SNX14: variants seen among roughly 807,000 people sequenced by gnomAD.
SNX14 encodes sorting nexin-14.
A neutral mutation model predicts 133.8 loss-of-function variants in SNX14; 93 were observed. The observed-to-expected ratio is 0.70, with a 90% CI of 0.59 to 0.83. The LOEUF is 0.83. Among genes scored for constraint, SNX14 ranks in the 40% least tolerant of loss-of-function variants. The pLI is 0.00. For missense variants in SNX14, 945 were observed against 1,094.9 expected, an observed-to-expected ratio of 0.86 and a Z score of 1.93; for synonymous variants, 368 against 365.6, an observed-to-expected ratio of 1.01 and a Z score of -0.07.
Position 85,543,771 on chromosome 6 carries a change from A to T in SNX14, c.1109-11T>A. The T allele has an allele frequency of 2.0e-6, 3 of 1,483,778 alleles. No individual in the cohort carries two copies. The highest frequency in any genetic ancestry group is 2.7e-6 in the Non-Finnish European group (3 of 1,104,996). The allele number at this position is 1,483,778 out of a possible 1,614,324, so 91.9% of individuals were successfully genotyped here. On this transcript the variant is annotated splice_polypyrimidine_tract_variant and intron_variant, in intron 12 of 28. Transcript: ENST00000314673. Reference sequence around the variant, plus strand: ...TATCATTAAATTCCTCTAACAAATGAGGGAATGAATAAGAAAAAATAATTT... The same window carrying T: ...TATCATTAAATTCCTCTAACAAATGTGGGAATGAATAAGAAAAAATAATTT...
intron 1 of SNX14, among the ~76,000 whole-genome samples, chr6:85,577,802 A>G (rs1797799120): frequency 6.6e-6 from 1 of 152,198 alleles, no homozygotes; most frequent in African/African-American, 2.4e-5. Context: ...GAACAAACAA[A>G]CAGAAAAAAA....
chr6:85,585,155 T>C (rs1800323096), intron 1 of SNX14, among the ~76,000 whole-genome samples: 1 of 152,156 alleles, frequency 6.6e-6, no homozygotes, highest in South Asian at 2.1e-4. Flanking sequence ...AAACACTGCA[T>C]GTTCTTACTC....
At chr6:85,516,147 TTA>T in intron 23 of SNX14, among the ~76,000 whole-genome samples, 1 of 152,328 alleles carries the variant, frequency 6.6e-6, no homozygotes, top group Non-Finnish European at 1.5e-5. Flanking sequence ...TTATGTTGCT[TTA>T]TAGTTTTCAT....
At chr6:85,536,744 T>C (rs750268881) in intron 17 of SNX14, 48 bp downstream of exon 17, 7 of 1,564,386 alleles carry the variant, frequency 4.5e-6, no homozygotes, top group Non-Finnish European at 6.1e-6. Context: ...TTTTATGTCA[T>C]AGTAAGTCTG....
In SNX14 at chr6:85,518,025, CA is replaced by C. The variant is rs1775653478; in HGVS notation, c.2130del (p.Gly711GlufsTer3). On this transcript the variant is annotated frameshift_variant, in exon 22 of 29. Coordinates refer to ENST00000314673, the MANE Select transcript of SNX14 (RefSeq NM_153816.6). LOFTEE classifies it high-confidence loss of function. The stretch of plus-strand genomic sequence containing the variant: ...TTACTCACCTCTTTCATTAGTTTTC[CA>C]GGAACAGATTTTATAATTTTCCCTG... ...VNLGKIIKSV[P>X]GKLMKEKGQH... The C allele has an allele frequency of 6.2e-7, 1 of 1,604,926 alleles. No homozygotes were observed.
rs753021315 is a variant in SNX14, at chr6:85,558,064, G to T, written c.550-4C>A. ...TTATAATAGATGGAATATCCACCTA[G>T]AAAAATTCAAGATTAAAACTTTTAA... On this transcript the variant is annotated splice_polypyrimidine_tract_variant and splice_region_variant and intron_variant, in intron 6 of 28. Transcript: ENST00000314673. 1 of 1,460,286 alleles carries T rather than the reference G, an allele frequency of 6.8e-7. No homozygotes were observed. The highest frequency in any genetic ancestry group is 1.8e-5 in the Admixed American group (1 of 55,374). The allele number at this position is 1,460,286 out of a possible 1,614,324, so 90.5% of individuals were successfully genotyped here.
chr6:85,580,844 C>A (rs969382919), intron 1 of SNX14, among the ~76,000 whole-genome samples: 2 of 152,076 alleles, frequency 1.3e-5, no homozygotes, highest in Non-Finnish European at 2.9e-5. Flanking sequence ...GAATAAAACA[C>A]CAGGTAGATT....
intron 1 of SNX14, among the ~76,000 whole-genome samples, chr6:85,593,375 A>G (rs990963713): frequency 2.0e-5 from 3 of 152,192 alleles, no homozygotes; most frequent in Admixed American, 1.3e-4. Flanking sequence ...TCGGGAAAGG[A>G]GGCAATCAAC....
chr6:85,520,316 T>C (rs943557923), intron 21 of SNX14, among the ~76,000 whole-genome samples: 117 of 151,984 alleles, frequency 7.7e-4, no homozygotes, highest in African/African-American at 2.7e-3. Context: ...ATGCTGGGAT[T>C]ACAGGTGTGA....
At chr6:85,576,412 C>A (rs1437051450) in intron 1 of SNX14, among the ~76,000 whole-genome samples, 1 of 152,144 alleles carries the variant, frequency 6.6e-6, no homozygotes, top group Non-Finnish European at 1.5e-5. Context: ...ATAGGCCAAT[C>A]ATAGCATCTT....
chr6:85,559,481 T>G (rs989534811), intron 6 of SNX14, among the ~76,000 whole-genome samples: 16 of 152,162 alleles, frequency 1.1e-4, no homozygotes, highest in Non-Finnish European at 2.1e-4. Flanking sequence ...TTTTAAAAAA[T>G]TGTAGACCCT....
At chr6:85,579,142 A>T (rs1005516630) in intron 1 of SNX14, among the ~76,000 whole-genome samples, 1 of 152,150 alleles carries the variant, frequency 6.6e-6, no homozygotes, top group African/African-American at 2.4e-5. Flanking sequence ...CGTCTAAAAA[A>T]AAAAAGATTT....
At chr6:85,554,222 T>TTATA (rs544508658) in intron 7 of SNX14, among the ~76,000 whole-genome samples, 24 of 148,836 alleles carry the variant, frequency 1.6e-4, no homozygotes, top group Non-Finnish European at 2.2e-4. Flanking sequence ...CAATTTAAGT[T>TTATA]TATATATATA....
chr6:85,550,139 A>C (rs1251933582), intron 7 of SNX14, among the ~76,000 whole-genome samples: 2 of 152,180 alleles, frequency 1.3e-5, no homozygotes, highest in Admixed American at 1.3e-4. Flanking sequence ...CCAGCTACTC[A>C]AGAGGCTGAG....
At chr6:85,553,861 T>C (rs1483705217) in intron 7 of SNX14, among the ~76,000 whole-genome samples, 1 of 151,720 alleles carries the variant, frequency 6.6e-6, no homozygotes, top group Non-Finnish European at 1.5e-5. Flanking sequence ...AGAAAAGTAA[T>C]TACAATATTT....
chr6:85,546,965 CAA>C (rs375373506), intron 12 of SNX14, 145 bp downstream of exon 12: 33,402 of 377,506 alleles, frequency 0.088, no homozygotes, highest in South Asian at 0.11. Context: ...CCGCCTCAAA[CAA>C]AAAAAAAAAA....
chr6:85,538,017 C>T (rs1782485038), intron 16 of SNX14, among the ~76,000 whole-genome samples: 1 of 152,144 alleles, frequency 6.6e-6, no homozygotes, highest in African/African-American at 2.4e-5. Flanking sequence ...ACTTTAAAAC[C>T]TGAGAAAGTT....
At chr6:85,506,379 T>C (rs1167400253) in intron 28 of SNX14, among the ~76,000 whole-genome samples, 2 of 151,992 alleles carry the variant, frequency 1.3e-5, no homozygotes, top group East Asian at 3.9e-4. Context: ...TCTAATGGCA[T>C]GATCTCGGCT....
chr6:85,586,352 T>A (rs976003415), intron 1 of SNX14, among the ~76,000 whole-genome samples: 1 of 152,146 alleles, frequency 6.6e-6, no homozygotes, highest in Non-Finnish European at 1.5e-5. Context: ...CCTAACACTT[T>A]ACAGAAAAAA....
Sources: allele counts gnomAD v4.1 joint callset (sites outside exome capture counted in the v4.1 genomes callset), GRCh38; gene constraint gnomAD v4.1.1; transcripts MANE v1.5; gene names NCBI Gene and HGNC (gene_info 2026-07-23, HGNC 2026-07-21).